The following PCDHGB1 variants were observed in gnomAD, a reference collection of about 807,000 sequenced individuals.
PCDHGB1 encodes protocadherin gamma subfamily B, 1.
A neutral mutation model predicts 56.6 loss-of-function variants in PCDHGB1; 34 were observed. The ratio of observed to expected loss-of-function variants is 0.60; its 90% CI spans 0.46 to 0.80. PCDHGB1 has a LOEUF of 0.80. Ranked by LOEUF, PCDHGB1 falls within the 30% of genes least tolerant of loss-of-function variation. The pLI is 0.00. For missense variants in PCDHGB1, 1,278 were observed against 1,204.6 expected (o/e 1.06, Z -0.90); for synonymous variants, 561 against 505.9 (o/e 1.11, Z -1.46).
intron 1 of PCDHGB1, chr5:141,399,349 C>T (rs1467940246): frequency 6.2e-7 from 1 of 1,613,932 alleles, no homozygotes; most frequent in East Asian, 2.2e-5. Context: ...AACCCTAGAC[C>T]GAGAGCAAAC....
At chr5:141,484,311 C>T (rs1234690996) in intron 1 of PCDHGB1, among the ~76,000 whole-genome samples, 2 of 152,196 alleles carry the variant, frequency 1.3e-5, no homozygotes, top group African/African-American at 4.8e-5. Flanking sequence ...CTCCACCCCG[C>T]TTCCATACTG....
intron 1 of PCDHGB1, chr5:141,395,542 TTG>T (rs55729045): frequency 0.047 from 8,055 of 172,168 alleles, 192 homozygotes; most frequent in African/African-American, 0.072. Flanking sequence ...TTGCTATTGT[TTG>T]TGTGTGTGTG....
chr5:141,367,052 A>G (rs936203558), intron 1 of PCDHGB1: 4 of 325,986 alleles, frequency 1.2e-5, no homozygotes, highest in African/African-American at 6.6e-5. Flanking sequence ...AATAGAAAAG[A>G]TGTTTTATTT....
chr5:141,395,750 G>C (rs1308444906), intron 1 of PCDHGB1: 3 of 152,888 alleles, frequency 2.0e-5, no homozygotes, highest in African/African-American at 7.3e-5. Flanking sequence ...TCTTTTCTGA[G>C]CCCTGTTTCT....
rs1306500688 is a variant in PCDHGB1 at position 141,491,142 on chromosome 5, A to T, written c.2410-3665A>T. ...GTGAGGTGCGCACAGCCCGGGCCTTACTGGAGGATGACTCTGACACCCAGC... is the reference window on the plus strand; with the variant it reads ...GTGAGGTGCGCACAGCCCGGGCCTTTCTGGAGGATGACTCTGACACCCAGC... On this transcript the variant is annotated intron_variant, in intron 1 of 3. Coordinates refer to ENST00000523390, the MANE Select transcript of PCDHGB1 (RefSeq NM_018922.3). This position sits in a 1 kb window ranked among gnomAD's most constrained non-coding sequence, Gnocchi z 6.9. 6.2e-7 allele frequency: 1 copy of T among 1,614,090 alleles called. No homozygotes were observed. Among genetic ancestry groups the T allele is most frequent in the Non-Finnish European group, 8.5e-7 (1 of 1,179,976 alleles).
At position 141,490,591 on chromosome 5, in the gene PCDHGB1, G is replaced by A; in HGVS notation, c.2410-4216G>A. 1 of 1,614,100 alleles carries A rather than the reference G, an allele frequency of 6.2e-7. No homozygotes were observed. Among genetic ancestry groups the A allele is most frequent in the African/African-American group, 1.3e-5 (1 of 75,016 alleles). ...CAACATTTCAGATGTCAATGACAAT[G>A]CACCCCGCTTCAACCAGCAGCTTTA... On this transcript the variant is annotated intron_variant, in intron 1 of 3. Coordinates refer to ENST00000523390, the MANE Select transcript of PCDHGB1 (RefSeq NM_018922.3). This position sits in a 1 kb window ranked among gnomAD's most constrained non-coding sequence, Gnocchi z 5.4.
At chr5:141,481,913 C>CAAA (rs34114744) in intron 1 of PCDHGB1, among the ~76,000 whole-genome samples, 3 of 90,796 alleles carry the variant, frequency 3.3e-5, no homozygotes, top group Non-Finnish European at 4.4e-5. Flanking sequence ...AACTCCATCT[C>CAAA]AAAAAAAAAA....
intron 1 of PCDHGB1, chr5:141,395,395 T>TA: frequency 1.1e-6 from 1 of 906,424 alleles, no homozygotes; most frequent in Non-Finnish European, 1.6e-6. Flanking sequence ...AATTGAACTC[T>TA]AATAGTCATA....
At chr5:141,355,580 A>T (rs1204408500) in intron 1 of PCDHGB1, 1 of 1,614,038 alleles carries the variant, frequency 6.2e-7, no homozygotes, top group Admixed American at 1.7e-5. Context: ...ATCGATGTTA[A>T]TGATAACCCA....
Position 141,485,411 on chromosome 5 carries a change from G to C in PCDHGB1, c.2410-9396G>C, listed in dbSNP as rs1412397411. On this transcript the variant is annotated intron_variant, in intron 1 of 3. Coordinates refer to ENST00000523390, the MANE Select transcript of PCDHGB1 (RefSeq NM_018922.3). This position sits in a 1 kb window ranked among gnomAD's most constrained non-coding sequence, Gnocchi z 5.7. The stretch of plus-strand genomic sequence containing the variant: ...CCAAAGACACTTCCGTGTGGATTTG[G>C]ACAGCGGAGCCCTGCTCATCAAGAA... The C allele has an allele frequency of 2.5e-6, 4 of 1,614,054 alleles. No homozygotes were observed. Among genetic ancestry groups the C allele is most frequent in the Non-Finnish European group, 3.4e-6 (4 of 1,180,044 alleles).
chr5:141,388,382 A>T, intron 1 of PCDHGB1: 1 of 1,614,018 alleles, frequency 6.2e-7, no homozygotes, highest in Non-Finnish European at 8.5e-7. Flanking sequence ...GTAGCAACAC[A>T]CTGCAGAATT....
At position 141,423,009 on chromosome 5, in the gene PCDHGB1, G is replaced by A. The variant is rs371209178; in HGVS notation, c.2409+70340G>A. 28 of 1,614,222 alleles carry A rather than the reference G, an allele frequency of 1.7e-5. No individual in the cohort carries two copies. The East Asian group carries it at 4.9e-4, about 28-fold the overall frequency. On this transcript the variant is annotated intron_variant, in intron 1 of 3. Transcript: ENST00000523390. ...GCTACCTGGTGACCAAGGTGGTTGC[G>A]GTGGACAAAGATTCAGGCCAGAACG...
chr5:141,489,166 C>A lies in PCDHGB1; in HGVS notation c.2410-5641C>A. The A allele has an allele frequency of 9.1e-7, 1 of 1,099,536 alleles. No individual in the cohort carries two copies. The highest frequency in any genetic ancestry group is 1.3e-6 in the Non-Finnish European group (1 of 761,554). The allele number at this position is 1,099,536 out of a possible 1,614,324, so 68.1% of individuals were successfully genotyped here. ...AAGGAGACATAAGAGACTTCAGCTGCTGCATTCCAAGCCCTGGGTCTACCT... is the reference window on the plus strand; with the variant it reads ...AAGGAGACATAAGAGACTTCAGCTGATGCATTCCAAGCCCTGGGTCTACCT... On this transcript the variant is annotated intron_variant, in intron 1 of 3. Transcript: ENST00000523390. This position sits in a 1 kb window ranked among gnomAD's most constrained non-coding sequence, Gnocchi z 4.5.
chr5:141,476,509 C>G lies in PCDHGB1; in HGVS notation c.2410-18298C>G. 6.2e-7 allele frequency: 1 copy of G among 1,614,144 alleles called. No individual in the cohort carries two copies. Among genetic ancestry groups the G allele is most frequent in the Non-Finnish European group, 8.5e-7 (1 of 1,180,022 alleles). ...TGGTGATCCAGGACATCAACGACAACAATCCTGCTTTCCCTACCCAGGAAA... is the reference window on the plus strand; with the variant it reads ...TGGTGATCCAGGACATCAACGACAAGAATCCTGCTTTCCCTACCCAGGAAA... On this transcript the variant is annotated intron_variant, in intron 1 of 3. Transcript: ENST00000523390. This position sits in a 1 kb window ranked among gnomAD's most constrained non-coding sequence, Gnocchi z 7.6.
intron 1 of PCDHGB1, among the ~76,000 whole-genome samples, chr5:141,464,440 T>C (rs566597587): frequency 6.6e-6 from 1 of 151,608 alleles, no homozygotes; most frequent in South Asian, 2.1e-4. Context: ...TATATGTTTG[T>C]TGTTGTTGTT....
rs763835964 is a variant in PCDHGB1, at chr5:141,351,857, C to T, written c.1597C>T (p.Gln533Ter). The change falls in exon 1 of 4, where the codon CAG becomes TAG. Residue 533 changes from glutamine (Q) to a stop codon, truncating the protein, a stop_gained. Coordinates refer to ENST00000523390, the MANE Select transcript of PCDHGB1 (RefSeq NM_018922.3). LOFTEE classifies it high-confidence loss of function. ...CGAGCTCACACTGCAGGCCAGGGAC[C>T]AGGGCTCCCCCGCGCTCAGCGCCAA... ...AFELTLQARD[Q>*]GSPALSANVS... is the part of the protein sequence containing the mutation. 1.2e-6 allele frequency: 2 copies of T among 1,613,232 alleles called. No individual in the cohort carries two copies. Among genetic ancestry groups the T allele is most frequent in the Non-Finnish European group, 1.7e-6 (2 of 1,179,754 alleles).
intron 1 of PCDHGB1, among the ~76,000 whole-genome samples, chr5:141,471,999 T>C (rs577046645): frequency 3.9e-5 from 6 of 152,230 alleles, no homozygotes; most frequent in Admixed American, 2.0e-4. Flanking sequence ...AATCCCTGCA[T>C]CGTATAGGGG....
rs768132114 is a variant in PCDHGB1 at position 141,489,845 on chromosome 5, G to A, written c.2410-4962G>A. 5 of 1,614,188 alleles carry A rather than the reference G, an allele frequency of 3.1e-6. No homozygotes were observed. The highest frequency in any genetic ancestry group is 2.2e-5 in the South Asian group (2 of 91,088). On this transcript the variant is annotated intron_variant, in intron 1 of 3. Transcript: ENST00000523390. This position sits in a 1 kb window ranked among gnomAD's most constrained non-coding sequence, Gnocchi z 4.5. ...CTGGTGCTAGAGCAGCAGCTGGATC[G>A]TGAAGCCCAGGCAAGACATCAGCTG...
intron 2 of PCDHGB1, among the ~76,000 whole-genome samples, chr5:141,497,721 G>A (rs2099778948): frequency 6.6e-6 from 1 of 152,006 alleles, no homozygotes; most frequent in African/African-American, 2.4e-5. Flanking sequence ...TGTATTTTTA[G>A]TAGAGATGGG....
Sources: gnomAD v4.1 joint callset for allele counts (sites outside exome capture counted in the v4.1 genomes callset) on GRCh38, gnomAD v4.1.1 for gene constraint, Gnocchi (gnomAD v3.1) non-coding constraint, MANE v1.5 for transcripts, NCBI Gene and HGNC (gene_info 2026-07-23, HGNC 2026-07-21) for gene names.